The following NSRP1 variants were observed in gnomAD, a reference collection of about 807,000 sequenced individuals.
NSRP1 encodes the protein coiled-coil domain containing 55.
Under a neutral mutation model 54.7 loss-of-function variants are expected in NSRP1, and 24 were observed. The observed-to-expected ratio is 0.44, with a 90% CI of 0.32 to 0.62. The LOEUF is 0.62. NSRP1 is among the 20% of genes least tolerant of loss of function. The pLI, the probability that NSRP1 is intolerant of heterozygous loss-of-function variation, is 0.06. For missense variants in NSRP1, 596 were observed against 651.2 expected (o/e 0.92, Z 0.92); for synonymous variants, 210 against 213.8 (o/e 0.98, Z 0.15).
chr17:30,134,447 C>T (rs1210706124), intron 2 of NSRP1, among the ~76,000 whole-genome samples: 1 of 152,078 alleles, frequency 6.6e-6, no homozygotes, highest in Non-Finnish European at 1.5e-5. Flanking sequence ...GTAAAACATC[C>T]GTGAAGCACA....
At chr17:30,163,396 A>G (rs1305789564) in intron 2 of NSRP1, among the ~76,000 whole-genome samples, 2 of 151,850 alleles carry the variant, frequency 1.3e-5, no homozygotes, top group Non-Finnish European at 2.9e-5. Flanking sequence ...GATGGTTACT[A>G]CTGCCCAGGA....
Position 30,174,879 on chromosome 17 carries a change from ATT to A in NSRP1, c.171+2282_171+2283del, listed in dbSNP as rs1458714314. Among the ~76,000 whole-genome samples the A allele has an allele frequency of 2.0e-5, 3 of 152,360 alleles. No individual in the cohort carries two copies. The East Asian group carries it at 5.8e-4, about 29-fold the overall frequency. ...GTTGCATTTGGCTTACTAAAGCTTC[ATT>A]AAGAGTTTTTAAGTATTGAAGATTT... On this transcript the variant is annotated intron_variant, in intron 3 of 6. Coordinates refer to ENST00000247026, the MANE Select transcript of NSRP1 (RefSeq NM_032141.4).
rs145995373 is a variant in NSRP1 at position 30,141,291 on chromosome 17, G to A, written c.114+23118G>A. On this transcript the variant is annotated intron_variant, in intron 2 of 6. Coordinates refer to ENST00000247026, the MANE Select transcript of NSRP1 (RefSeq NM_032141.4). ...TAGCTGTAAATTCTTCTTCAGTGCTGCATTGAGTGCATGCCACAGGCTTTT... is the reference window on the plus strand; with the variant it reads ...TAGCTGTAAATTCTTCTTCAGTGCTACATTGAGTGCATGCCACAGGCTTTT... Among the ~76,000 whole-genome samples the A allele has an allele frequency of 2.0e-4, 31 of 152,130 alleles. No individual in the cohort carries two copies. In the East Asian group the frequency reaches 5.2e-3, roughly 26 times the overall value.
intron 5 of NSRP1, 60 bp downstream of exon 5, chr17:30,179,357 T>G: frequency 6.8e-7 from 1 of 1,480,738 alleles, no homozygotes; most frequent in Non-Finnish European, 9.0e-7. Flanking sequence ...CCCCTGTGGT[T>G]AGCTGTTTGC....
intron 6 of NSRP1, 41 bp downstream of exon 6, chr17:30,181,057 TTAA>T (rs747038263): frequency 8.3e-7 from 1 of 1,205,146 alleles, no homozygotes; most frequent in South Asian, 1.2e-5. Context: ...AAAAATACTG[TTAA>T]TAATCTGTGG....
At chr17:30,126,669 A>C (rs538553191) in intron 2 of NSRP1, among the ~76,000 whole-genome samples, 1 of 152,028 alleles carries the variant, frequency 6.6e-6, no homozygotes, top group East Asian at 1.9e-4. Flanking sequence ...GGTCACTGCA[A>C]CCTCCGCTTC....
Position 30,179,074 on chromosome 17 carries a change from T to C in NSRP1, c.301-16T>C. The C allele has an allele frequency of 7.0e-7, 1 of 1,427,734 alleles. No homozygotes were observed. The highest frequency in any genetic ancestry group is 2.7e-5 in the Admixed American group (1 of 37,660). The allele number at this position is 1,427,734 out of a possible 1,614,324, so 88.4% of individuals were successfully genotyped here. A position where few individuals can be genotyped will look rare whatever the true frequency, so the allele number is the denominator to read the frequency against. On this transcript the variant is annotated splice_polypyrimidine_tract_variant and intron_variant, in intron 4 of 6. Transcript: ENST00000247026. ...TATTTTTTTACTCTTTTCCTAAATC[T>C]TTTTTATTTCCTTAGCCCAAGTATA... is the stretch of plus-strand genomic sequence containing the variant.
chr17:30,152,253 G>A (rs2071918855), intron 2 of NSRP1, among the ~76,000 whole-genome samples: 1 of 151,872 alleles, frequency 6.6e-6, no homozygotes, highest in Admixed American at 6.6e-5. Flanking sequence ...CTCTCGAGTA[G>A]CTGGGACTAC....
intron 2 of NSRP1, among the ~76,000 whole-genome samples, chr17:30,159,052 A>G (rs1341436248): frequency 6.6e-6 from 1 of 152,204 alleles, no homozygotes; most frequent in African/African-American, 2.4e-5. Flanking sequence ...TGCTTTTGGT[A>G]GAATGGTCAT....
chr17:30,117,762 T>TG (rs2071554763), intron 1 of NSRP1, among the ~76,000 whole-genome samples: 1 of 151,324 alleles, frequency 6.6e-6, no homozygotes, highest in African/African-American at 2.4e-5. Context: ...TACACATGTT[T>TG]TTTTTTTTTT....
chr17:30,169,682 T>A (rs567436747), intron 2 of NSRP1, among the ~76,000 whole-genome samples: 1 of 152,204 alleles, frequency 6.6e-6, no homozygotes, highest in Admixed American at 6.5e-5. Context: ...TTACTGTTTT[T>A]GTTATCAACA....
chr17:30,178,071 A>G lies in NSRP1; in HGVS notation c.172A>G (p.Thr58Ala). The G allele has an allele frequency of 6.2e-7, 1 of 1,612,174 alleles. No individual in the cohort carries two copies. Among genetic ancestry groups the G allele is most frequent in the Non-Finnish European group, 8.5e-7 (1 of 1,179,518 alleles). ...EAAKKQAMKQ[T>A]KLEIQKALAE... ...GAAACATGTTTAATTTTTTTTTAAG[A>G]CCAAACTGGAAATCCAGAAGGCCCT... The change falls in exon 4 of 7, where the codon ACC becomes GCC. Residue 58 changes from threonine to alanine, a missense_variant and splice_region_variant. Thr to Ala is a moderately conservative substitution (Grantham distance 58). Transcript: ENST00000247026.
chr17:30,174,009 G>C (rs1287003153), intron 3 of NSRP1, among the ~76,000 whole-genome samples: 3 of 152,142 alleles, frequency 2.0e-5, no homozygotes, highest in Admixed American at 6.5e-5. Flanking sequence ...ATAAATACTG[G>C]AGTGCTTTGA....
intron 1 of NSRP1, chr17:30,117,554 G>A (rs1157125391): frequency 1.0e-5 from 4 of 397,416 alleles, no homozygotes; most frequent in Non-Finnish European, 1.8e-5. Flanking sequence ...AAAGTGTAAT[G>A]CGAACTTGCC....
chr17:30,142,512 C>T (rs1308282121), intron 2 of NSRP1, among the ~76,000 whole-genome samples: 2 of 151,038 alleles, frequency 1.3e-5, no homozygotes, highest in Admixed American at 1.3e-4. Flanking sequence ...AAAAAAAAGT[C>T]GTAGAAATGA....
At chr17:30,138,920 T>TG (rs2071775848) in intron 2 of NSRP1, among the ~76,000 whole-genome samples, 1 of 133,338 alleles carries the variant, frequency 7.5e-6, no homozygotes, top group African/African-American at 2.8e-5. Flanking sequence ...TTTTTTTTTT[T>TG]TTTTTTTTTT....
At position 30,180,903 on chromosome 17, in the gene NSRP1, G is replaced by A; in HGVS notation, c.509-5G>A. The A allele has an allele frequency of 6.3e-7, 1 of 1,597,912 alleles. No individual in the cohort carries two copies. The highest frequency in any genetic ancestry group is 1.3e-5 in the African/African-American group (1 of 74,608). ...ATATTCTAATTTTTGCTTTCCCTCTGTTAGCATGTTTGGATGTAACCAAGC... is the reference window on the plus strand; with the variant it reads ...ATATTCTAATTTTTGCTTTCCCTCTATTAGCATGTTTGGATGTAACCAAGC... On this transcript the variant is annotated splice_region_variant and splice_polypyrimidine_tract_variant and intron_variant, in intron 5 of 6. Coordinates refer to ENST00000247026, the MANE Select transcript of NSRP1 (RefSeq NM_032141.4).
In NSRP1 at chr17:30,116,835, G is replaced by A. The variant is rs1426211732; in HGVS notation, c.-9G>A. The A allele has an allele frequency of 1.9e-6, 3 of 1,574,068 alleles. No individual in the cohort carries two copies. Among genetic ancestry groups the A allele is most frequent in the Non-Finnish European group, 2.6e-6 (3 of 1,159,384 alleles). ...GGCGTCGGCCACGTTCAGCGGACAC[G>A]GGAGCAAGATGGCGATTCCGGGCAG... is the stretch of plus-strand genomic sequence containing the variant. On this transcript the variant is annotated 5_prime_UTR_variant, in exon 1 of 7. Transcript: ENST00000247026.
At chr17:30,164,546 C>T (rs1904661933) in intron 2 of NSRP1, among the ~76,000 whole-genome samples, 1 of 152,090 alleles carries the variant, frequency 6.6e-6, no homozygotes, top group Admixed American at 6.6e-5. Context: ...CCTATAATCC[C>T]AGCACTTTAG....
Sources: allele counts gnomAD v4.1 joint callset (sites outside exome capture counted in the v4.1 genomes callset), GRCh38; gene constraint gnomAD v4.1.1; transcripts MANE v1.5; gene names NCBI Gene and HGNC (gene_info 2026-07-23, HGNC 2026-07-21).